RAB27A: variants seen among roughly 807,000 people sequenced by gnomAD.
RAB27A encodes RAB27A, member RAS oncogene family.
A neutral mutation model predicts 20.8 loss-of-function variants in RAB27A; 17 were observed. That is an observed-to-expected ratio of 0.82 (90% CI 0.56 to 1.23). RAB27A has a LOEUF of 1.23. Among genes scored for constraint, RAB27A ranks in the 50% most tolerant of loss-of-function variants. The probability of loss-of-function intolerance (pLI) is 0.00; values close to 1 mark genes in which losing one functional copy is unlikely to be tolerated. For synonymous variants in RAB27A, 85 were observed against 92.8 expected, an observed-to-expected ratio of 0.92 and a Z score of 0.48; for missense variants, 277 against 266.7, an observed-to-expected ratio of 1.04 and a Z score of -0.27.
At chr15:55,288,525 G>GA (rs1024208704) in intron 1 of RAB27A, among the ~76,000 whole-genome samples, 1 of 143,372 alleles carries the variant, frequency 7.0e-6, no homozygotes, top group Non-Finnish European at 1.5e-5. Flanking sequence ...TGTCTCAAAA[G>GA]AAAAAAAAGG....
At chr15:55,243,639 AC>A (rs1485928516) in intron 2 of RAB27A, among the ~76,000 whole-genome samples, 15 of 152,008 alleles carry the variant, frequency 9.9e-5, no homozygotes, top group African/African-American at 3.4e-4. Context: ...AAAAAAAAAA[AC>A]ATTATTTTCT....
chr15:55,257,837 AC>A (rs1337979139), intron 2 of RAB27A, among the ~76,000 whole-genome samples: 1 of 152,198 alleles, frequency 6.6e-6, no homozygotes, highest in African/African-American at 2.4e-5. Flanking sequence ...TACTAAAAAT[AC>A]AAAAATTAGC....
At chr15:55,298,296 G>A (rs546737843) in intron 2 of RAB27A, among the ~76,000 whole-genome samples, 23 of 151,856 alleles carry the variant, frequency 1.5e-4, no homozygotes, top group East Asian at 5.8e-4. Flanking sequence ...CCTAAGCATC[G>A]GCCAGCTTGA....
intron 2 of RAB27A, among the ~76,000 whole-genome samples, chr15:55,243,606 G>A (rs1896576140): frequency 6.6e-6 from 1 of 150,512 alleles, no homozygotes; most frequent in Non-Finnish European, 1.5e-5. Flanking sequence ...CAGCCTGGGC[G>A]ACACAGCGAG....
chr15:55,206,635 C>T (rs899400492), intron 6 of RAB27A, among the ~76,000 whole-genome samples: 1 of 152,164 alleles, frequency 6.6e-6, no homozygotes, highest in African/African-American at 2.4e-5. Flanking sequence ...AGCTGCTGCA[C>T]CCAGCCTAGT....
chr15:55,246,160 C>A (rs1896677613), intron 2 of RAB27A, among the ~76,000 whole-genome samples: 1 of 151,712 alleles, frequency 6.6e-6, no homozygotes, highest in Non-Finnish European at 1.5e-5. Context: ...AAACATACAT[C>A]ATTTTTAACA....
chr15:55,272,240 T>C (rs1293811805), intron 1 of RAB27A, among the ~76,000 whole-genome samples: 1 of 152,030 alleles, frequency 6.6e-6, no homozygotes, highest in Non-Finnish European at 1.5e-5. Context: ...CTACTAAAAA[T>C]ACAAAAAAAT....
At chr15:55,264,278 T>C (rs1774269435) in intron 2 of RAB27A, among the ~76,000 whole-genome samples, 1 of 152,214 alleles carries the variant, frequency 6.6e-6, no homozygotes, top group Non-Finnish European at 1.5e-5. Flanking sequence ...CTCAAACTCT[T>C]GACCTTAGGT....
At chr15:55,266,983 A>C (rs539293965) in intron 2 of RAB27A, among the ~76,000 whole-genome samples, 10 of 152,360 alleles carry the variant, frequency 6.6e-5, no homozygotes, top group Admixed American at 2.0e-4. Flanking sequence ...AATGAGATGG[A>C]CATTTAGAGT....
At chr15:55,312,197 G>A (rs889065155) in intron 2 of RAB27A, among the ~76,000 whole-genome samples, 2 of 152,224 alleles carry the variant, frequency 1.3e-5, no homozygotes, top group African/African-American at 4.8e-5. Context: ...ACACCCTGCT[G>A]GATCCGGAGG....
intron 1 of RAB27A, among the ~76,000 whole-genome samples, chr15:55,273,225 G>A (rs1243094432): frequency 3.3e-5 from 5 of 151,818 alleles, no homozygotes; most frequent in Admixed American, 2.0e-4. Context: ...TAGCCAATGT[G>A]GTGAAACTCC....
At chr15:55,297,898 C>G (rs575752840) in intron 2 of RAB27A, among the ~76,000 whole-genome samples, 20 of 152,196 alleles carry the variant, frequency 1.3e-4, no homozygotes, top group African/African-American at 4.3e-4. Flanking sequence ...AGCAGGCCAG[C>G]ATTCTTAAAA....
intron 2 of RAB27A, among the ~76,000 whole-genome samples, chr15:55,249,743 G>A (rs1252767924): frequency 6.6e-6 from 1 of 152,110 alleles, no homozygotes; most frequent in Admixed American, 6.5e-5. Flanking sequence ...TTCTAAGAAA[G>A]GTGTGTTGAA....
rs377401467 is a variant in RAB27A at position 55,233,554 on chromosome 15, G to A, written c.153+1228C>T. On this transcript the variant is annotated intron_variant, in intron 3 of 6. Coordinates refer to ENST00000336787, the MANE Select transcript of RAB27A (RefSeq NM_183235.3). ...ACATGGAAGATCCTTGAAAACATCAGGCTGAATGTAAGAAGCCAGACACAA... is the reference window on the plus strand; with the variant it reads ...ACATGGAAGATCCTTGAAAACATCAAGCTGAATGTAAGAAGCCAGACACAA... Among the ~76,000 whole-genome samples the A allele has an allele frequency of 6.6e-5, 10 of 152,228 alleles. No individual in the cohort carries two copies. In the South Asian group the frequency reaches 1.0e-3, roughly 16 times the overall value.
At chr15:55,249,344 G>A (rs556042041) in intron 2 of RAB27A, among the ~76,000 whole-genome samples, 113 of 152,282 alleles carry the variant, frequency 7.4e-4, no homozygotes, top group Non-Finnish European at 1.3e-3. Context: ...GCGCAATTAT[G>A]TCTCACCGCA....
intron 5 of RAB27A, among the ~76,000 whole-genome samples, chr15:55,226,869 CAAA>C (rs574861809): frequency 7.9e-5 from 5 of 63,328 alleles, no homozygotes; most frequent in Non-Finnish European, 6.7e-5. Context: ...AACTCCATCT[CAAA>C]AAAAAAAAAA....
chr15:55,318,653 A>G (rs2055086412), intron 1 of RAB27A, among the ~76,000 whole-genome samples: 1 of 149,580 alleles, frequency 6.7e-6, no homozygotes, highest in Admixed American at 6.6e-5. Context: ...GTGAGCCCAG[A>G]TTGCGCCACT....
intron 1 of RAB27A, among the ~76,000 whole-genome samples, chr15:55,280,466 G>C (rs1897985334): frequency 6.7e-6 from 1 of 150,198 alleles, no homozygotes; most frequent in Non-Finnish European, 1.5e-5. Flanking sequence ...CCAAAGGAGA[G>C]ACTGAAAAAT....
rs1025891680 is a variant in RAB27A at position 55,215,319 on chromosome 15, C to T, written c.467+8570G>A. Among the ~76,000 whole-genome samples, 20 of 152,276 alleles carry T rather than the reference C, an allele frequency of 1.3e-4. 1 individual carries two copies. Among genetic ancestry groups the T allele is most frequent in the Admixed American group, 7.8e-4 (12 of 15,306 alleles). On this transcript the variant is annotated intron_variant, in intron 6 of 6. Coordinates refer to ENST00000336787, the MANE Select transcript of RAB27A (RefSeq NM_183235.3). ...TGAAAGTACTTTGAAAACTATAAAA[C>T]CTGTGCATGGAAGTTATCAACAACA... is the stretch of plus-strand genomic sequence containing the variant.
Sources: gnomAD v4.1 joint callset for allele counts (sites outside exome capture counted in the v4.1 genomes callset) on GRCh38, gnomAD v4.1.1 for gene constraint, MANE v1.5 for transcripts, NCBI Gene and HGNC (gene_info 2026-07-23, HGNC 2026-07-21) for gene names.